RGS17: variants seen among roughly 807,000 people sequenced by gnomAD.
The protein encoded by RGS17 is regulator of G-protein signaling 17.
A neutral mutation model predicts 25.5 loss-of-function variants in RGS17; 12 were observed. The observed-to-expected ratio is 0.47, with a 90% CI of 0.30 to 0.76. RGS17 has a LOEUF of 0.76. RGS17 is among the 30% of genes least tolerant of loss of function. The probability of loss-of-function intolerance (pLI) is 0.07; values close to 1 mark genes in which losing one functional copy is unlikely to be tolerated. For missense variants in RGS17, 196 were observed against 242.2 expected (o/e 0.81, Z 1.27); for synonymous variants, 71 against 76.9 (o/e 0.92, Z 0.40).
Position 153,072,001 on chromosome 6 carries a change from G to A in RGS17, c.-25-27958C>T, listed in dbSNP as rs903302796. Among the ~76,000 whole-genome samples the A allele has an allele frequency of 7.9e-5, 12 of 152,104 alleles. 1 individual carries two copies. Among genetic ancestry groups the A allele is most frequent in the African/African-American group, 2.7e-4 (11 of 41,422 alleles). ...GTTAGCACAGCACTGGGCACATAGT[G>A]AGCTGTCAATTGATGTTAAGTCTCC... On this transcript the variant is annotated intron_variant, in intron 1 of 4. Transcript: ENST00000206262.
At chr6:153,082,406 C>G (rs1385925807) in intron 1 of RGS17, among the ~76,000 whole-genome samples, 1 of 152,090 alleles carries the variant, frequency 6.6e-6, no homozygotes, top group African/African-American at 2.4e-5. Context: ...TTTTTCCTCT[C>G]TGTGTCTTAA....
At chr6:153,091,985 T>A (rs986387297) in intron 1 of RGS17, among the ~76,000 whole-genome samples, 16 of 152,130 alleles carry the variant, frequency 1.1e-4, no homozygotes, top group African/African-American at 3.4e-4. Context: ...CAGAAAAAAA[T>A]TCCCACCTTT....
intron 1 of RGS17, among the ~76,000 whole-genome samples, chr6:153,074,370 A>G (rs748056244): frequency 6.6e-6 from 1 of 152,244 alleles, no homozygotes; most frequent in African/African-American, 2.4e-5. Context: ...GGCAAAATCA[A>G]TTCAACATGA....
At chr6:153,025,953 C>CA (rs5881011) in intron 3 of RGS17, among the ~76,000 whole-genome samples, 64,365 of 151,592 alleles carry the variant, frequency 0.42, 13,795 homozygotes, top group South Asian at 0.54. Flanking sequence ...AAAGCACTTA[C>CA]AATTATATGA....
At chr6:153,099,201 C>G (rs1029437225) in intron 1 of RGS17, among the ~76,000 whole-genome samples, 2 of 152,200 alleles carry the variant, frequency 1.3e-5, no homozygotes, top group Non-Finnish European at 2.9e-5. Flanking sequence ...TCACTCTGCA[C>G]ATACTTTTAA....
chr6:153,108,257 C>T (rs1777414214), intron 1 of RGS17, among the ~76,000 whole-genome samples: 1 of 152,224 alleles, frequency 6.6e-6, no homozygotes, highest in Non-Finnish European at 1.5e-5. Flanking sequence ...ACCTAATATG[C>T]ATCTGAGGAA....
chr6:153,084,900 C>G (rs1019383989), intron 1 of RGS17, among the ~76,000 whole-genome samples: 2 of 152,064 alleles, frequency 1.3e-5, no homozygotes, highest in South Asian at 4.1e-4. Context: ...TAGAAAAAGA[C>G]TTAAAAATTG....
At chr6:153,096,083 ACAGAG>A (rs1777203437) in intron 1 of RGS17, among the ~76,000 whole-genome samples, 2 of 152,206 alleles carry the variant, frequency 1.3e-5, no homozygotes, top group South Asian at 4.1e-4. Flanking sequence ...AACAGCTTTG[ACAGAG>A]CTTTGAACAA....
chr6:153,076,124 A>C (rs1035751948), intron 1 of RGS17, among the ~76,000 whole-genome samples: 3 of 152,226 alleles, frequency 2.0e-5, no homozygotes, highest in African/African-American at 7.2e-5. Context: ...ATATAACTAT[A>C]CATGGAAGAA....
intron 1 of RGS17, among the ~76,000 whole-genome samples, chr6:153,092,783 G>C (rs1777151417): frequency 1.3e-5 from 2 of 152,184 alleles, no homozygotes; most frequent in Admixed American, 6.5e-5. Context: ...TGTAACTTAA[G>C]TGCGTTTTGC....
At chr6:153,058,233 T>C (rs757626448) in intron 1 of RGS17, among the ~76,000 whole-genome samples, 1 of 152,172 alleles carries the variant, frequency 6.6e-6, no homozygotes, top group African/African-American at 2.4e-5. Context: ...AAAAAGTTAG[T>C]GTGGTTCAGT....
Position 153,011,293 on chromosome 6 carries a change from G to A in RGS17, c.*281C>T, listed in dbSNP as rs1779129858. ...GCACATGCAGTCTCTGGAGATACAC[G>A]AGGAGACTGTTCATAGGACTACAAA... On this transcript the variant is annotated 3_prime_UTR_variant, in exon 5 of 5. Coordinates refer to ENST00000206262, the MANE Select transcript of RGS17 (RefSeq NM_012419.5). The A allele has an allele frequency of 6.3e-6, 2 of 318,016 alleles. No individual in the cohort carries two copies. Among genetic ancestry groups the A allele is most frequent in the Admixed American group, 1.0e-4 (2 of 20,028 alleles). The allele number at this position is 318,016 out of a possible 1,614,324, so 19.7% of individuals were successfully genotyped here.
chr6:153,098,709 T>C (rs922470734), intron 1 of RGS17, among the ~76,000 whole-genome samples: 8 of 152,170 alleles, frequency 5.3e-5, no homozygotes, highest in Non-Finnish European at 8.8e-5. Flanking sequence ...GGCAACTCTG[T>C]TTTAAAAGTC....
chr6:153,026,865 T>G (rs915580341), intron 2 of RGS17, among the ~76,000 whole-genome samples: 1 of 152,102 alleles, frequency 6.6e-6, no homozygotes, highest in African/African-American at 2.4e-5. Context: ...TATATATATA[T>G]GTATATACAC....
chr6:153,097,105 T>C (rs1028063717), intron 1 of RGS17, among the ~76,000 whole-genome samples: 3 of 152,158 alleles, frequency 2.0e-5, no homozygotes, highest in African/African-American at 7.2e-5. Flanking sequence ...CAGCTATTCT[T>C]TGTGGCTTTT....
rs114981946 is a variant in RGS17, at chr6:153,091,358, C to A, written c.-26+39766G>T. ...TGGAGAACCATCTCAAATGATTTTG[C>A]CAAGTGTAAACACATGAATATTTTT... On this transcript the variant is annotated intron_variant, in intron 1 of 4. Transcript: ENST00000206262. 2.9e-3 allele frequency among the ~76,000 whole-genome samples: 437 copies of A among 152,200 alleles called. 2 individuals carry two copies. The highest frequency in any genetic ancestry group is 0.01 in the African/African-American group (419 of 41,530).
intron 1 of RGS17, among the ~76,000 whole-genome samples, chr6:153,077,637 A>G (rs1428417069): frequency 1.3e-5 from 2 of 152,216 alleles, no homozygotes; most frequent in African/African-American, 2.4e-5. Flanking sequence ...AAATTGTGGT[A>G]TATCTTTCTG....
Position 153,107,926 on chromosome 6 carries a change from C to T in RGS17, c.-26+23198G>A, listed in dbSNP as rs565405352. Among the ~76,000 whole-genome samples the T allele has an allele frequency of 2.6e-5, 4 of 152,266 alleles. No homozygotes were observed. In the South Asian group the frequency reaches 8.3e-4, roughly 32 times the overall value. Reference sequence around the variant, plus strand: ...TTCAGTGCCATTCTTGAAAACAAAGCCATCCGTTATTGTGTATATGTCATT... The same window carrying T: ...TTCAGTGCCATTCTTGAAAACAAAGTCATCCGTTATTGTGTATATGTCATT... On this transcript the variant is annotated intron_variant, in intron 1 of 4. Coordinates refer to ENST00000206262, the MANE Select transcript of RGS17 (RefSeq NM_012419.5).
intron 1 of RGS17, among the ~76,000 whole-genome samples, chr6:153,057,138 CTT>C (rs1776572395): frequency 6.6e-6 from 1 of 151,596 alleles, no homozygotes; most frequent in Non-Finnish European, 1.5e-5. Context: ...AATGTAAACT[CTT>C]ATATTTTATT....
Sources: gnomAD v4.1 joint callset for allele counts (sites outside exome capture counted in the v4.1 genomes callset) on GRCh38, gnomAD v4.1.1 for gene constraint, MANE v1.5 for transcripts, NCBI Gene and HGNC (gene_info 2026-07-23, HGNC 2026-07-21) for gene names.